Variants in PPP4R4 observed in about 807,000 individuals in gnomAD.
PPP4R4 encodes the protein protein phosphatase 4 regulatory subunit 4.
Under a neutral mutation model 121.8 loss-of-function variants are expected in PPP4R4, and 70 were observed. The observed-to-expected ratio is 0.57, with a 90% CI of 0.47 to 0.70. PPP4R4 has a LOEUF of 0.70. Among genes scored for constraint, PPP4R4 ranks in the 30% least tolerant of loss-of-function variants. The probability of loss-of-function intolerance (pLI) is 0.00; values close to 1 mark genes in which losing one functional copy is unlikely to be tolerated. For missense variants in PPP4R4, 875 were observed against 1,033.6 expected (o/e 0.85, Z 2.10); for synonymous variants, 348 against 355.7 (o/e 0.98, Z 0.24).
chr14:94,267,797 A>T (rs1894122115), intron 23 of PPP4R4, among the ~76,000 whole-genome samples: 1 of 152,132 alleles, frequency 6.6e-6, no homozygotes, highest in Non-Finnish European at 1.5e-5. Flanking sequence ...AAAGATCTGA[A>T]ATTTTTAAGA....
chr14:94,225,452 T>TA (rs1428929737), intron 3 of PPP4R4, among the ~76,000 whole-genome samples: 2 of 142,762 alleles, frequency 1.4e-5, no homozygotes, highest in African/African-American at 5.2e-5. Flanking sequence ...CCCTCTGCAG[T>TA]AGGAATAAGG....
At chr14:94,233,577 T>C in intron 5 of PPP4R4, 76 bp from the exon 6 acceptor site, 3 of 895,300 alleles carry the variant, frequency 3.4e-6, no homozygotes, top group Non-Finnish European at 5.3e-6. Flanking sequence ...TTTAAAATAC[T>C]CTGAAGGAAT....
rs188724682 is a variant in PPP4R4 at position 94,226,528 on chromosome 14, T to A, written c.295-4059T>A. ...TAGGGAAAATGATGAGGTATAATCA[T>A]TAAAGGTATCTTAGAACCTGGCATA... On this transcript the variant is annotated intron_variant, in intron 3 of 24. Coordinates refer to ENST00000304338, the MANE Select transcript of PPP4R4 (RefSeq NM_058237.2). Among the ~76,000 whole-genome samples the A allele has an allele frequency of 2.8e-4, 42 of 152,292 alleles. 1 individual carries two copies. The highest frequency in any genetic ancestry group is 2.1e-3 in the Admixed American group (32 of 15,292).
intron 12 of PPP4R4, among the ~76,000 whole-genome samples, chr14:94,245,034 A>T (rs1595519089): frequency 6.6e-6 from 1 of 152,130 alleles, no homozygotes; most frequent in Non-Finnish European, 1.5e-5. Flanking sequence ...TCTTTTTTAT[A>T]TGAATATTCT....
intron 2 of PPP4R4, among the ~76,000 whole-genome samples, chr14:94,188,584 T>C (rs1344723242): frequency 1.3e-5 from 2 of 151,754 alleles, no homozygotes; most frequent in Admixed American, 6.6e-5. Context: ...TATGTGTGTA[T>C]ACACACACAC....
chr14:94,247,714 A>G (rs1227143505), intron 14 of PPP4R4, among the ~76,000 whole-genome samples: 3 of 152,224 alleles, frequency 2.0e-5, no homozygotes, highest in South Asian at 2.1e-4. Flanking sequence ...TTAATTCACC[A>G]CAATCAAGTG....
chr14:94,236,930 G>A (rs1868699101), intron 7 of PPP4R4, among the ~76,000 whole-genome samples: 1 of 152,068 alleles, frequency 6.6e-6, no homozygotes, highest in African/African-American at 2.4e-5. Flanking sequence ...CACATCACAA[G>A]GCTCTCCTTG....
chr14:94,180,945 G>A (rs924977394), intron 2 of PPP4R4, among the ~76,000 whole-genome samples: 11 of 152,094 alleles, frequency 7.2e-5, no homozygotes, highest in African/African-American at 2.4e-4. Flanking sequence ...GAACTCTGGC[G>A]TACTTCTTCT....
intron 17 of PPP4R4, 111 bp downstream of exon 17, chr14:94,256,715 T>C: frequency 8.9e-7 from 1 of 1,127,564 alleles, no homozygotes; most frequent in Non-Finnish European, 1.2e-6. Flanking sequence ...ATTTTTATCC[T>C]TGCTAAAATT....
intron 23 of PPP4R4, among the ~76,000 whole-genome samples, chr14:94,269,836 T>C (rs1425651930): frequency 6.6e-6 from 1 of 152,152 alleles, no homozygotes; most frequent in Non-Finnish European, 1.5e-5. Flanking sequence ...CAGGAAAGTC[T>C]GAGAAACTGT....
intron 2 of PPP4R4, among the ~76,000 whole-genome samples, chr14:94,202,711 G>T (rs1890254195): frequency 6.6e-6 from 1 of 152,186 alleles, no homozygotes; most frequent in Non-Finnish European, 1.5e-5. Flanking sequence ...TGGTGTGGTG[G>T]CTCACGCCTG....
intron 3 of PPP4R4, among the ~76,000 whole-genome samples, chr14:94,220,653 A>C (rs1404707470): frequency 1.3e-5 from 2 of 152,234 alleles, no homozygotes; most frequent in Non-Finnish European, 1.5e-5. Context: ...CATTAAAATA[A>C]GTGATACTTA....
chr14:94,262,662 T>C (rs901654887), intron 19 of PPP4R4, among the ~76,000 whole-genome samples: 1 of 152,036 alleles, frequency 6.6e-6, no homozygotes, highest in Non-Finnish European at 1.5e-5. Context: ...AAGAATACAC[T>C]CTTAGTGTAA....
chr14:94,253,924 C>G (rs750371311), intron 16 of PPP4R4, among the ~76,000 whole-genome samples: 2 of 152,182 alleles, frequency 1.3e-5, no homozygotes, highest in Non-Finnish European at 2.9e-5. Context: ...CCATCACAGG[C>G]AAGGGTGGTA....
chr14:94,262,907 C>T (rs1893858938), intron 19 of PPP4R4, among the ~76,000 whole-genome samples: 1 of 152,056 alleles, frequency 6.6e-6, no homozygotes, highest in South Asian at 2.1e-4. Context: ...GGTTGACAGC[C>T]TTTTCCTTAC....
At chr14:94,220,037 C>T (rs1451348597) in intron 3 of PPP4R4, among the ~76,000 whole-genome samples, 2 of 152,168 alleles carry the variant, frequency 1.3e-5, no homozygotes, top group Non-Finnish European at 2.9e-5. Flanking sequence ...GCCTGGCCAA[C>T]ATGGTGAAAC....
At chr14:94,176,849 A>G (rs1378352486) in intron 2 of PPP4R4, among the ~76,000 whole-genome samples, 1 of 152,180 alleles carries the variant, frequency 6.6e-6, no homozygotes. Flanking sequence ...GTTTATTTAA[A>G]ATTGTTCATT....
intron 2 of PPP4R4, among the ~76,000 whole-genome samples, chr14:94,202,842 G>T (rs1283915620): frequency 6.6e-6 from 1 of 152,022 alleles, no homozygotes; most frequent in African/African-American, 2.4e-5. Context: ...TATTGGCCGG[G>T]CGTGGTGGCA....
At chr14:94,235,196 T>A (rs7142751) in intron 7 of PPP4R4, among the ~76,000 whole-genome samples, 35,398 of 151,942 alleles carry the variant, frequency 0.23, 4,933 homozygotes, top group East Asian at 0.59. Context: ...TCAGGAAATA[T>A]TGACAAGAAA....
Sources: gnomAD v4.1 joint callset for allele counts (sites outside exome capture counted in the v4.1 genomes callset) on GRCh38, gnomAD v4.1.1 for gene constraint, MANE v1.5 for transcripts, NCBI Gene and HGNC (gene_info 2026-07-23, HGNC 2026-07-21) for gene names.